FAT3: variants seen among roughly 807,000 people sequenced by gnomAD.
FAT3 encodes FAT atypical cadherin 3, also known as protocadherin Fat 3.
Under a neutral mutation model 310.2 loss-of-function variants are expected in FAT3, and 95 were observed. The observed-to-expected ratio is 0.31, with a 90% confidence interval of 0.26 to 0.36. The LOEUF is 0.36. Ranked by LOEUF, FAT3 falls within the 10% of genes least tolerant of loss-of-function variation. The pLI, the probability that FAT3 is intolerant of heterozygous loss-of-function variation, is 1.00. For missense variants in FAT3, 5,408 were observed against 5,715.6 expected (o/e 0.95, Z 1.74); for synonymous variants, 2,314 against 2,192.9 (o/e 1.06, Z -1.54).
chr11:92,759,949 AG>A (rs1444970878), intron 4 of FAT3, among the ~76,000 whole-genome samples: 1 of 152,046 alleles, frequency 6.6e-6, no homozygotes, highest in East Asian at 1.9e-4. Context: ...GAATTTGGAC[AG>A]GCTTCTCAAG....
chr11:92,287,062 C>T (rs1946577972), intron 1 of FAT3, among the ~76,000 whole-genome samples: 1 of 152,090 alleles, frequency 6.6e-6, no homozygotes, highest in Non-Finnish European at 1.5e-5. Flanking sequence ...ACAGTAGATT[C>T]TTTAGCAGGG....
intron 3 of FAT3, among the ~76,000 whole-genome samples, chr11:92,578,517 A>G (rs776755123): frequency 4.9e-4 from 75 of 152,136 alleles, no homozygotes; most frequent in Admixed American, 3.9e-4. Flanking sequence ...CAGACTGTGT[A>G]CCACGTGGGC....
intron 2 of FAT3, among the ~76,000 whole-genome samples, chr11:92,392,891 C>G (rs903214301): frequency 6.6e-6 from 1 of 152,100 alleles, no homozygotes; most frequent in African/African-American, 2.4e-5. Context: ...CTGAATGAAT[C>G]TGATGAAGAG....
chr11:92,798,170 T>C lies in FAT3; in HGVS notation c.5157T>C (p.Tyr1719=), dbSNP rs778447330. 89 of 1,613,842 alleles carry C rather than the reference T, an allele frequency of 5.5e-5. No individual in the cohort carries two copies. The Admixed American group carries it at 1.2e-3, about 21-fold the overall frequency. Residue 1719 remains tyrosine, a synonymous_variant, in exon 10 of 28, where the codon TAT becomes TAC. Transcript: ENST00000525166. The part of the protein sequence containing the change: ...DINGIFTINP[Y]SGVITTQKAL... Reference sequence around the variant, plus strand: ...ATGGGATCTTTACCATAAATCCATATTCTGGAGTCATCACCACTCAGAAGG... The same window carrying C: ...ATGGGATCTTTACCATAAATCCATACTCTGGAGTCATCACCACTCAGAAGG...
intron 1 of FAT3, among the ~76,000 whole-genome samples, chr11:92,307,149 A>G (rs535030024): frequency 2.6e-5 from 4 of 151,880 alleles, no homozygotes; most frequent in African/African-American, 9.7e-5. Context: ...AGTCCTCCAC[A>G]TGGAATCAGC....
intron 2 of FAT3, among the ~76,000 whole-genome samples, chr11:92,451,107 A>C (rs1951342381): frequency 6.6e-6 from 1 of 152,104 alleles, no homozygotes; most frequent in Admixed American, 6.5e-5. Flanking sequence ...GTGATTTTGC[A>C]AAGTGATTTT....
chr11:92,263,614 T>C (rs763492493), intron 1 of FAT3, among the ~76,000 whole-genome samples: 3 of 148,684 alleles, frequency 2.0e-5, no homozygotes, highest in South Asian at 4.2e-4. Flanking sequence ...GGTATTTGAA[T>C]ATAAGTGTGT....
chr11:92,598,193 T>G (rs1304017039), intron 3 of FAT3, among the ~76,000 whole-genome samples: 1 of 145,330 alleles, frequency 6.9e-6, no homozygotes, highest in Non-Finnish European at 1.5e-5. Context: ...TTTATTTTCA[T>G]GTATATAAAT....
In FAT3 at chr11:92,716,568, C is replaced by G. The variant is rs988932640; in HGVS notation, c.3669+19123C>G. On this transcript the variant is annotated intron_variant, in intron 4 of 27. Transcript: ENST00000525166. Reference sequence around the variant, plus strand: ...TAGTTTTACTCATTTCCATAAGGTTCTTAACTCTGCCTGTTGAAGTAATCA... The same window carrying G: ...TAGTTTTACTCATTTCCATAAGGTTGTTAACTCTGCCTGTTGAAGTAATCA... 2.0e-5 allele frequency among the ~76,000 whole-genome samples: 3 copies of G among 152,292 alleles called. No individual in the cohort carries two copies. In the South Asian group the frequency reaches 6.2e-4, roughly 32 times the overall value.
At chr11:92,675,716 A>T (rs894138827) in intron 3 of FAT3, among the ~76,000 whole-genome samples, 1 of 152,220 alleles carries the variant, frequency 6.6e-6, no homozygotes, top group East Asian at 1.9e-4. Flanking sequence ...CGTTTATCTT[A>T]CAAGAACTTG....
At chr11:92,777,257 C>T (rs1170538674) in intron 7 of FAT3, among the ~76,000 whole-genome samples, 2 of 152,126 alleles carry the variant, frequency 1.3e-5, no homozygotes, top group Non-Finnish European at 2.9e-5. Context: ...TCAAGTCATC[C>T]ATAAACAACA....
intron 3 of FAT3, among the ~76,000 whole-genome samples, chr11:92,657,834 A>T (rs142318813): frequency 6.6e-6 from 1 of 152,174 alleles, no homozygotes; most frequent in Admixed American, 6.5e-5. Flanking sequence ...CAACTAATCC[A>T]TTACAAAGGA....
intron 3 of FAT3, among the ~76,000 whole-genome samples, chr11:92,665,637 G>A (rs1459698382): frequency 6.6e-6 from 1 of 152,168 alleles, no homozygotes; most frequent in African/African-American, 2.4e-5. Flanking sequence ...AGTCACATGT[G>A]AACTCTTCTT....
At chr11:92,420,981 TTTTG>T (rs1426077058) in intron 2 of FAT3, among the ~76,000 whole-genome samples, 2 of 152,194 alleles carry the variant, frequency 1.3e-5, no homozygotes, top group Non-Finnish European at 2.9e-5. Flanking sequence ...CCCAGTTTGA[TTTTG>T]TTTATTAACT....
At chr11:92,787,115 T>A (rs572962994) in intron 7 of FAT3, among the ~76,000 whole-genome samples, 1 of 152,240 alleles carries the variant, frequency 6.6e-6, no homozygotes, top group Non-Finnish European at 1.5e-5. Context: ...CAGACACTAC[T>A]AAATGTCCCC....
chr11:92,455,856 A>G (rs999995837), intron 2 of FAT3, among the ~76,000 whole-genome samples: 5 of 152,196 alleles, frequency 3.3e-5, no homozygotes, highest in African/African-American at 1.2e-4. Context: ...GTTATTTGGC[A>G]AATATGTATT....
At chr11:92,875,888 G>A (rs112068459) in intron 22 of FAT3, among the ~76,000 whole-genome samples, 2 of 152,162 alleles carry the variant, frequency 1.3e-5, no homozygotes, top group Admixed American at 6.5e-5. Flanking sequence ...GTGCTCTAGA[G>A]GTAGTGTCTT....
intron 2 of FAT3, among the ~76,000 whole-genome samples, chr11:92,471,540 A>G (rs1195442177): frequency 6.6e-6 from 1 of 152,176 alleles, no homozygotes; most frequent in Non-Finnish European, 1.5e-5. Flanking sequence ...AAATTTGGCT[A>G]TAAATAAATG....
At chr11:92,452,601 A>G (rs529890201) in intron 2 of FAT3, among the ~76,000 whole-genome samples, 1 of 152,296 alleles carries the variant, frequency 6.6e-6, no homozygotes, top group South Asian at 2.1e-4. Context: ...CATACCCTAT[A>G]GGGATGGTGC....
Sources: gnomAD v4.1 joint callset for allele counts (sites outside exome capture counted in the v4.1 genomes callset) on GRCh38, gnomAD v4.1.1 for gene constraint, MANE v1.5 for transcripts, NCBI Gene and HGNC (gene_info 2026-07-23, HGNC 2026-07-21) for gene names.